The following POLR2B variants were observed in gnomAD, a reference collection of about 807,000 sequenced individuals.
POLR2B encodes the protein RNA polymerase II subunit B.
In POLR2B, 57 loss-of-function variants were observed where a neutral mutation model predicts 144.6. The observed-to-expected ratio is 0.39, with a 90% confidence interval of 0.32 to 0.49. The LOEUF is 0.49. Among genes scored for constraint, POLR2B ranks in the 20% least tolerant of loss-of-function variants. The probability of loss-of-function intolerance (pLI) is 0.83; values close to 1 mark genes in which losing one functional copy is unlikely to be tolerated. For synonymous variants in POLR2B, 442 were observed against 469.8 expected (o/e 0.94, Z 0.77); for missense variants, 595 against 1,467.4 (o/e 0.41, Z 9.71).
chr4:57,021,652 G>T (rs1446011493), intron 17 of POLR2B, among the ~76,000 whole-genome samples: 1 of 142,486 alleles, frequency 7.0e-6, no homozygotes, highest in Admixed American at 7.1e-5. Context: ...CCATGCCAGA[G>T]TTTTTTTTTG....
rs967238284 is a variant in POLR2B at position 57,023,577 on chromosome 4, A to T, written c.2763A>T (p.Ile921=). Residue 921 remains isoleucine, a synonymous_variant, in exon 19 of 25, where the codon ATA becomes ATT. Coordinates refer to ENST00000314595, the MANE Select transcript of POLR2B (RefSeq NM_000938.3). This position sits in a 1 kb window ranked among gnomAD's most constrained non-coding sequence, Gnocchi z 4.3. ...AGGAAGGATATAAATTTTGTAAAAT[A>T]AGGGTGAGTACAACTTTGTTCATGT... is the stretch of plus-strand genomic sequence containing the variant. The part of the protein sequence containing the change: ...LNQEGYKFCK[I]RVRSVRIPQI... The T allele has an allele frequency of 3.1e-6, 5 of 1,613,726 alleles. No homozygotes were observed. Among genetic ancestry groups the T allele is most frequent in the Non-Finnish European group, 4.2e-6 (5 of 1,179,760 alleles).
intron 6 of POLR2B, among the ~76,000 whole-genome samples, chr4:56,997,098 GA>G (rs1308791856): frequency 2.0e-5 from 3 of 150,726 alleles, no homozygotes; most frequent in Non-Finnish European, 4.4e-5. Flanking sequence ...GTTCCAAAAA[GA>G]AAAAAAGAGA....
Position 57,025,554 on chromosome 4 carries a change from C to G in POLR2B, c.3239+17C>G. 6.7e-7 allele frequency: 1 copy of G among 1,483,592 alleles called. No homozygotes were observed. Among genetic ancestry groups the G allele is most frequent in the Non-Finnish European group, 9.3e-7 (1 of 1,078,258 alleles). 91.9% of individuals were successfully genotyped at this position (1,483,592 alleles called of 1,614,324 possible). ...TAGATCTCGGTAAGAACTGTATCAT[C>G]ATCATTATTATTAATTAACCTTATA... On this transcript the variant is annotated intron_variant, in intron 23 of 24. Transcript: ENST00000314595.
chr4:56,988,338 G>A (rs1040444597), intron 2 of POLR2B, among the ~76,000 whole-genome samples: 3 of 151,934 alleles, frequency 2.0e-5, no homozygotes, highest in African/African-American at 4.8e-5. Flanking sequence ...GTGGGGAAAG[G>A]GCCCCTGGCC....
rs200071944 is a variant in POLR2B, at chr4:57,005,568, C to CTCTT, written c.1098-18_1098-15dup. 7.9e-5 allele frequency: 120 copies of CTCTT among 1,525,178 alleles called. 1 individual carries two copies. The highest frequency in any genetic ancestry group is 2.0e-4 in the South Asian group (16 of 78,888). The allele number at this position is 1,525,178 out of a possible 1,614,324, so 94.5% of individuals were successfully genotyped here. ...AAAAGTCCAAAACTAAGTGTTTTCC[C>CTCTT]TCTTTCTTTCTTTCTTTTTTTTTTT... On this transcript the variant is annotated intron_variant, in intron 8 of 24. Coordinates refer to ENST00000314595, the MANE Select transcript of POLR2B (RefSeq NM_000938.3).
At chr4:57,029,713 T>G (rs1304583971) in intron 23 of POLR2B, among the ~76,000 whole-genome samples, 2 of 152,206 alleles carry the variant, frequency 1.3e-5, no homozygotes, top group Non-Finnish European at 1.5e-5. Flanking sequence ...GCTGCCTTAT[T>G]TAGATTGTCT....
At chr4:56,986,128 C>A in intron 1 of POLR2B, 1 of 507,022 alleles carries the variant, frequency 2.0e-6, no homozygotes, top group Non-Finnish European at 3.5e-6. Context: ...ATTCATACAA[C>A]TTACATTGAA....
intron 6 of POLR2B, among the ~76,000 whole-genome samples, chr4:56,997,464 C>T (rs1163351981): frequency 6.6e-6 from 1 of 152,184 alleles, no homozygotes; most frequent in Non-Finnish European, 1.5e-5. Context: ...ACTATGTTGC[C>T]TAGGCTGGTC....
At chr4:57,005,518 G>A in intron 8 of POLR2B, 76 bp downstream of exon 8, 1 of 1,491,320 alleles carries the variant, frequency 6.7e-7, no homozygotes, top group Non-Finnish European at 9.0e-7. Context: ...AGTCAAAAAT[G>A]ATGTTTTTAA....
intron 13 of POLR2B, 68 bp downstream of exon 13, chr4:57,011,168 T>C: frequency 1.0e-6 from 1 of 955,492 alleles, no homozygotes; most frequent in South Asian, 1.3e-5. Context: ...CTAGTGAAAG[T>C]TATCTTTGCA....
At chr4:56,999,915 G>A (rs1460343531) in intron 7 of POLR2B, 134 bp downstream of exon 7, 4 of 581,904 alleles carry the variant, frequency 6.9e-6, no homozygotes, top group African/African-American at 3.8e-5. Flanking sequence ...GCCATTTACT[G>A]TGTAGTGAAA....
chr4:57,010,984 T>C lies in POLR2B; in HGVS notation c.1689-5T>C, dbSNP rs764635219. On this transcript the variant is annotated splice_region_variant and splice_polypyrimidine_tract_variant and intron_variant, in intron 12 of 24. Transcript: ENST00000314595. The stretch of plus-strand genomic sequence containing the variant: ...GTGTAAAATGCTTTTGCTTTTTCAT[T>C]GTAGTGCAACCAAGATTTTTGTTAA... 5 of 1,612,324 alleles carry C rather than the reference T, an allele frequency of 3.1e-6. No individual in the cohort carries two copies. Among genetic ancestry groups the C allele is most frequent in the Non-Finnish European group, 4.2e-6 (5 of 1,178,292 alleles).
At position 57,023,141 on chromosome 4, in the gene POLR2B, AC is replaced by A. The variant is rs1426266986; in HGVS notation, c.2516-188del. 31 of 536,666 alleles carry A rather than the reference AC, an allele frequency of 5.8e-5. No individual in the cohort carries two copies. The highest frequency in any genetic ancestry group is 3.2e-4 in the Admixed American group (9 of 28,006). The allele number at this position is 536,666 out of a possible 1,614,324, so 33.2% of individuals were successfully genotyped here. A position where few individuals can be genotyped will look rare whatever the true frequency, so the allele number is the denominator to read the frequency against. ...ATTCCAATGTTCTTTTCCTTCATAG[AC>A]TTTTTTTTTTGTTTTCTGTGTGGGC... On this transcript the variant is annotated intron_variant, in intron 18 of 24. Coordinates refer to ENST00000314595, the MANE Select transcript of POLR2B (RefSeq NM_000938.3). The surrounding 1 kb of genome is among the most constrained non-coding windows in gnomAD (Gnocchi z 4.3).
At chr4:57,007,223 A>C (rs1212705990) in intron 10 of POLR2B, among the ~76,000 whole-genome samples, 1 of 152,238 alleles carries the variant, frequency 6.6e-6, no homozygotes, top group Non-Finnish European at 1.5e-5. Flanking sequence ...CAACCTGGCC[A>C]ACATGGCGAA....
chr4:56,987,020 A>G (rs1350485938), intron 2 of POLR2B, among the ~76,000 whole-genome samples: 6 of 152,074 alleles, frequency 3.9e-5, no homozygotes, highest in Non-Finnish European at 7.4e-5. Context: ...ACAGTTCCTC[A>G]GTGTGTCTGT....
At chr4:57,009,101 T>G (rs1313817399) in intron 10 of POLR2B, among the ~76,000 whole-genome samples, 1 of 152,178 alleles carries the variant, frequency 6.6e-6, no homozygotes, top group East Asian at 1.9e-4. Flanking sequence ...AGAGCAGTTT[T>G]GTAGAGATGG....
intron 7 of POLR2B, chr4:57,002,721 A>G (rs531833383): frequency 6.6e-6 from 1 of 152,234 alleles, no homozygotes; most frequent in East Asian, 1.9e-4. Context: ...ATATACTAAT[A>G]CTGGAACAAT....
intron 11 of POLR2B, 98 bp from the exon 12 acceptor site, chr4:57,010,650 A>G (rs754738576): frequency 1.5e-6 from 2 of 1,361,376 alleles, no homozygotes; most frequent in East Asian, 4.6e-5. Flanking sequence ...AGAAAGTAAG[A>G]ATAAATCTTG....
At chr4:56,995,117 G>A (rs537982251) in intron 5 of POLR2B, 134 bp from the exon 6 acceptor site, 1 of 722,232 alleles carries the variant, frequency 1.4e-6, no homozygotes, top group Admixed American at 3.0e-5. Flanking sequence ...GCAAAATGGA[G>A]TTTGTAAAGT....
Sources: allele counts gnomAD v4.1 joint callset (sites outside exome capture counted in the v4.1 genomes callset), GRCh38; gene constraint gnomAD v4.1.1; non-coding constraint Gnocchi (gnomAD v3.1); transcripts MANE v1.5; gene names NCBI Gene and HGNC (gene_info 2026-07-23, HGNC 2026-07-21).